ANKRD11: variants seen among roughly 807,000 people sequenced by gnomAD.
The protein encoded by ANKRD11 is ankyrin repeat domain-containing protein 11.
Under a neutral mutation model 195.7 loss-of-function variants are expected in ANKRD11, and 17 were observed. That is an observed-to-expected ratio of 0.09 (90% CI 0.06 to 0.13). ANKRD11 has a LOEUF of 0.13. Ranked by LOEUF, ANKRD11 falls within the 10% of genes least tolerant of loss-of-function variation. The probability of loss-of-function intolerance (pLI) is 1.00; values close to 1 mark genes in which losing one functional copy is unlikely to be tolerated. For synonymous variants in ANKRD11, 1,953 were observed against 1,528.1 expected (o/e 1.28, Z -6.49); for missense variants, 3,735 against 3,566.1 (o/e 1.05, Z -1.21).
At chr16:89,378,290 C>T (rs554392410) in intron 2 of ANKRD11, among the ~76,000 whole-genome samples, 7 of 152,306 alleles carry the variant, frequency 4.6e-5, no homozygotes, top group African/African-American at 1.7e-4. Context: ...AAATTAAATA[C>T]TCGGGGTATA....
At chr16:89,346,509 A>T (rs1256665273) in intron 2 of ANKRD11, among the ~76,000 whole-genome samples, 1 of 152,222 alleles carries the variant, frequency 6.6e-6, no homozygotes, top group Non-Finnish European at 1.5e-5. Flanking sequence ...ACTTGATCAC[A>T]CAGACAACTA....
chr16:89,293,605 C>T (rs1192421964), intron 4 of ANKRD11, among the ~76,000 whole-genome samples: 5 of 81,232 alleles, frequency 6.2e-5, no homozygotes, highest in Non-Finnish European at 9.4e-5. Flanking sequence ...GTTGGGGCTG[C>T]GGAGGGAGGA....
intron 1 of ANKRD11, among the ~76,000 whole-genome samples, chr16:89,461,807 A>G (rs754893464): frequency 6.6e-6 from 1 of 152,196 alleles, no homozygotes; most frequent in Non-Finnish European, 1.5e-5. Context: ...CCATTAAAAC[A>G]TTAAGTTTTG....
chr16:89,297,500 T>C (rs950226316), intron 4 of ANKRD11: 1 of 152,002 alleles, frequency 6.6e-6, no homozygotes, highest in Non-Finnish European at 1.5e-5. Context: ...CATCCGGATG[T>C]TCAAAGCCAT....
intron 1 of ANKRD11, among the ~76,000 whole-genome samples, chr16:89,477,349 C>T (rs1378473907): frequency 1.3e-5 from 2 of 151,922 alleles, no homozygotes; most frequent in East Asian, 2.0e-4. Flanking sequence ...TGGGCCACCA[C>T]GCGTAATTTC....
At chr16:89,271,202 G>A (rs1351775925) in intron 11 of ANKRD11, 1 of 469,060 alleles carries the variant, frequency 2.1e-6, no homozygotes, top group Admixed American at 3.4e-5. Flanking sequence ...CCAGGGGACA[G>A]TCAGAGCTCA....
chr16:89,462,421 A>T (rs1353882083), intron 1 of ANKRD11, among the ~76,000 whole-genome samples: 2 of 151,750 alleles, frequency 1.3e-5, no homozygotes, highest in African/African-American at 4.8e-5. Flanking sequence ...GCTCGCTACA[A>T]CCTCCACCTC....
intron 2 of ANKRD11, among the ~76,000 whole-genome samples, chr16:89,396,380 C>T (rs1312271401): frequency 6.6e-6 from 1 of 152,166 alleles, no homozygotes; most frequent in South Asian, 2.1e-4. Context: ...GAGCCGCACT[C>T]GCCGCAAGAG....
At chr16:89,317,880 C>A (rs2037060876) in intron 2 of ANKRD11, among the ~76,000 whole-genome samples, 1 of 152,180 alleles carries the variant, frequency 6.6e-6, no homozygotes, top group African/African-American at 2.4e-5. Context: ...GGCTCCCATG[C>A]AACCCAATCA....
Position 89,275,178 on chromosome 16 carries a change from G to T in ANKRD11, c.7484C>A (p.Pro2495His). Residue 2495 changes from proline to histidine, a missense_variant, in exon 10 of 13, where the codon CCC becomes CAC. Physicochemically the swap from Pro to His is moderately conservative, Grantham distance 77 (BLOSUM62 -2). Coordinates refer to ENST00000301030, the MANE Select transcript of ANKRD11 (RefSeq NM_013275.6). ...KLHIPVIAPP[P>H]SLAEPLKELF... is the part of the protein sequence containing the mutation. ...CTCCTTCAGGGGCTCCGCCAGGGAG[G>T]GAGGGGGTGCGATCTACAGGCAAAA... The T allele has an allele frequency of 6.2e-7, 1 of 1,608,698 alleles. No individual in the cohort carries two copies. Among genetic ancestry groups the T allele is most frequent in the Non-Finnish European group, 8.5e-7 (1 of 1,178,084 alleles).
At chr16:89,321,277 C>G (rs1161701341) in intron 2 of ANKRD11, 1 of 152,358 alleles carries the variant, frequency 6.6e-6, no homozygotes, top group Admixed American at 6.5e-5. Context: ...GTCTCTTCAG[C>G]TGACAAGAGC....
chr16:89,280,214 A>T lies in ANKRD11; in HGVS notation c.6328T>A (p.Ser2110Thr), dbSNP rs1303884242. The T allele has an allele frequency of 6.2e-7, 1 of 1,608,158 alleles. No individual in the cohort carries two copies. The highest frequency in any genetic ancestry group is 8.5e-7 in the Non-Finnish European group (1 of 1,179,286). The change falls in exon 9 of 13, where the codon TCT (serine) becomes ACT (threonine). Residue 2110 changes from serine to threonine, a missense_variant. Transcript: ENST00000301030. ...ACCGGCTCCACCTGGCCGAGGTGAGACAGGCCGCGGCTGCCGTCCAGGAAG... is the reference window on the plus strand; with the variant it reads ...ACCGGCTCCACCTGGCCGAGGTGAGTCAGGCCGCGGCTGCCGTCCAGGAAG... ...NSFLDGSRGL[S>T]HLGQVEPVPW...
At chr16:89,271,129 C>T in intron 11 of ANKRD11, 1 of 600,540 alleles carries the variant, frequency 1.7e-6, no homozygotes, top group South Asian at 1.8e-5. Context: ...GCAGCTGGGC[C>T]TTTGTCTCCT....
In ANKRD11 at chr16:89,291,326, A is replaced by G. The variant is rs982706859; in HGVS notation, c.227-143T>C. 9 of 1,085,672 alleles carry G rather than the reference A, an allele frequency of 8.3e-6. No homozygotes were observed. The highest frequency in any genetic ancestry group is 1.2e-5 in the Non-Finnish European group (9 of 743,912). 67.3% of individuals were successfully genotyped at this position (1,085,672 alleles called of 1,614,324 possible). ...GAAAGGAAGGTCTGTGTATGGGGAA[A>G]GCACAGCGGTGCTGGGAGCATTGGT... On this transcript the variant is annotated intron_variant, in intron 4 of 12. Coordinates refer to ENST00000301030, the MANE Select transcript of ANKRD11 (RefSeq NM_013275.6). This position sits in a 1 kb window ranked among gnomAD's most constrained non-coding sequence, Gnocchi z 5.3.
At chr16:89,414,478 G>A (rs2042217993) in intron 2 of ANKRD11, among the ~76,000 whole-genome samples, 2 of 152,212 alleles carry the variant, frequency 1.3e-5, no homozygotes, top group Non-Finnish European at 2.9e-5. Flanking sequence ...AAAGATGTCA[G>A]CTTCAACTAC....
intron 1 of ANKRD11, among the ~76,000 whole-genome samples, chr16:89,469,202 A>G (rs1477212223): frequency 1.3e-5 from 2 of 152,046 alleles, no homozygotes; most frequent in East Asian, 3.9e-4. Flanking sequence ...AGGAAAAAAA[A>G]GAAATAAGCC....
rs745522310 is a variant in ANKRD11 at position 89,285,214 on chromosome 16, G to T, written c.1328C>A (p.Ser443Tyr). ...ILPGSKTREP[S>Y]NAKQQKEKNK... ...TTTTTCCTTCTGCTGCTTGGCATTA[G>T]AAGGCTCTCGTGTCTTACTACCAGG... Residue 443 changes from serine to tyrosine, a missense_variant, in exon 9 of 13, where the codon TCT becomes TAT. Ser to Tyr is a moderately radical substitution (Grantham distance 144). Coordinates refer to ENST00000301030, the MANE Select transcript of ANKRD11 (RefSeq NM_013275.6). This position sits in a 1 kb window ranked among gnomAD's most constrained non-coding sequence, Gnocchi z 5.6. 1.2e-6 allele frequency: 2 copies of T among 1,613,678 alleles called. No homozygotes were observed. The highest frequency in any genetic ancestry group is 1.7e-6 in the Non-Finnish European group (2 of 1,180,026).
intron 1 of ANKRD11, among the ~76,000 whole-genome samples, chr16:89,476,580 C>CCT (rs1339208833): frequency 1.3e-5 from 2 of 152,242 alleles, no homozygotes; most frequent in East Asian, 3.8e-4. Flanking sequence ...ACAACACACT[C>CCT]CTGACTCAGC....
At chr16:89,464,540 G>A (rs2056814412) in intron 1 of ANKRD11, among the ~76,000 whole-genome samples, 1 of 150,440 alleles carries the variant, frequency 6.6e-6, no homozygotes, top group Non-Finnish European at 1.5e-5. Context: ...CCTGGGAGGT[G>A]GAGGCTGTAG....
Sources: allele counts gnomAD v4.1 joint callset (sites outside exome capture counted in the v4.1 genomes callset), GRCh38; gene constraint gnomAD v4.1.1; non-coding constraint Gnocchi (gnomAD v3.1); transcripts MANE v1.5; gene names NCBI Gene and HGNC (gene_info 2026-07-23, HGNC 2026-07-21).